The following SMIM36 variants were observed in gnomAD, a reference collection of about 807,000 sequenced individuals.
The protein encoded by SMIM36 is small integral membrane protein 36.
intron 3 of SMIM36, among the ~76,000 whole-genome samples, chr17:55,476,350 C>T (rs1003931885): frequency 1.3e-5 from 2 of 151,990 alleles, no homozygotes; most frequent in Non-Finnish European, 2.9e-5. Context: ...GGAAAAACCC[C>T]CTTTAACTGT....
chr17:55,466,885 T>A (rs1236341632), intron 4 of SMIM36, among the ~76,000 whole-genome samples: 1 of 152,326 alleles, frequency 6.6e-6, no homozygotes, highest in East Asian at 1.9e-4. Context: ...TCCGTGTAAG[T>A]GCTTTTGTTT....
At chr17:55,514,210 G>T (rs1343608603), upstream of SMIM36, among the ~76,000 whole-genome samples, 1 of 152,060 alleles carries the variant, frequency 6.6e-6, no homozygotes, top group Non-Finnish European at 1.5e-5. Flanking sequence ...AGTGGCCAAA[G>T]CAGGGGCTGC....
chr17:55,517,193 C>T, the SMIM36 span, among the ~76,000 whole-genome samples: 1 of 152,128 alleles, frequency 6.6e-6, no homozygotes, highest in Admixed American at 6.5e-5. Context: ...TGAAGGTATA[C>T]TAAGATGGTG....
exon 3 of SMIM36, chr17:55,478,813 C>G (rs973416464): frequency 6.6e-6 from 1 of 151,252 alleles, no homozygotes; most frequent in Admixed American, 6.6e-5. Context: ...TCCTCAGACA[C>G]CTTGAGAGTT....
chr17:55,525,008 C>T, the SMIM36 span, among the ~76,000 whole-genome samples: 5 of 152,304 alleles, frequency 3.3e-5, no homozygotes, highest in East Asian at 9.6e-4. Context: ...AACTGAGGCA[C>T]AGACAGGTTG....
intron 1 of SMIM36, among the ~76,000 whole-genome samples, chr17:55,483,047 G>T (rs1314162050): frequency 6.6e-6 from 1 of 152,162 alleles, no homozygotes; most frequent in Non-Finnish European, 1.5e-5. Context: ...CTGTCAAATG[G>T]CAGGCCAAAT....
the SMIM36 span, among the ~76,000 whole-genome samples, chr17:55,519,962 T>C: frequency 6.6e-6 from 1 of 152,198 alleles, no homozygotes; most frequent in African/African-American, 2.4e-5. Context: ...CTATTTATTC[T>C]TTCATGATTC....
At chr17:55,508,949 A>C (rs1210607317) in intron 1 of SMIM36, among the ~76,000 whole-genome samples, 5 of 145,442 alleles carry the variant, frequency 3.4e-5, no homozygotes, top group Non-Finnish European at 1.5e-5. Context: ...AAAAAAAAAA[A>C]AGTGAAGATG....
chr17:55,482,243 C>CT (rs1299679537), intron 1 of SMIM36, among the ~76,000 whole-genome samples: 4 of 152,180 alleles, frequency 2.6e-5, no homozygotes, highest in Admixed American at 2.0e-4. Context: ...TGTGTCCATA[C>CT]TTTTTTCCTA....
At chr17:55,469,279 C>T (rs967549865) in intron 3 of SMIM36, among the ~76,000 whole-genome samples, 8 of 152,190 alleles carry the variant, frequency 5.3e-5, no homozygotes, top group Admixed American at 3.3e-4. Flanking sequence ...CCAAAATTGC[C>T]TCTGACAGAG....
At chr17:55,481,667 T>C (rs1443242327) in intron 1 of SMIM36, among the ~76,000 whole-genome samples, 3 of 152,192 alleles carry the variant, frequency 2.0e-5, no homozygotes, top group East Asian at 1.9e-4. Context: ...CTGGGAATCA[T>C]AGAGTTTTAA....
chr17:55,479,063 C>T (rs1433973578), intron 2 of SMIM36, among the ~76,000 whole-genome samples: 1 of 152,144 alleles, frequency 6.6e-6, no homozygotes, highest in Non-Finnish European at 1.5e-5. Context: ...TAGCGTCACC[C>T]ACAAGTTTCT....
At chr17:55,516,179 C>A (rs918027009), upstream of SMIM36, among the ~76,000 whole-genome samples, 1 of 152,092 alleles carries the variant, frequency 6.6e-6, no homozygotes, top group Admixed American at 6.6e-5. Context: ...AATATAAAAA[C>A]CTACAAAACA....
chr17:55,451,761 T>A (rs917571081), intron 4 of SMIM36, among the ~76,000 whole-genome samples: 5 of 152,114 alleles, frequency 3.3e-5, no homozygotes, highest in Admixed American at 2.0e-4. Flanking sequence ...CTTTCTTTCC[T>A]CCTGAACAAT....
chr17:55,518,931 A>G, the SMIM36 span, among the ~76,000 whole-genome samples: 438 of 152,222 alleles, frequency 2.9e-3, no homozygotes, highest in African/African-American at 9.8e-3. Context: ...GAGAAGAAAA[A>G]TAAGTAGGTT....
chr17:55,475,049 A>C (rs116497456), intron 3 of SMIM36, among the ~76,000 whole-genome samples: 2,203 of 151,562 alleles, frequency 0.015, 63 homozygotes, highest in African/African-American at 0.051. Flanking sequence ...CTAGTTTTGG[A>C]CCCCCCACAG....
At chr17:55,473,731 A>G (rs1047762973) in intron 3 of SMIM36, among the ~76,000 whole-genome samples, 3 of 152,188 alleles carry the variant, frequency 2.0e-5, no homozygotes, top group East Asian at 3.8e-4. Flanking sequence ...TGCAGGGTAC[A>G]GTCCATTTGA....
intron 1 of SMIM36, among the ~76,000 whole-genome samples, chr17:55,500,728 A>AT (rs1909895226): frequency 1.0e-4 from 5 of 49,254 alleles, no homozygotes; most frequent in African/African-American, 7.7e-4. Flanking sequence ...AATTTTTAAA[A>AT]GAACATTCAT....
chr17:55,456,585 C>T (rs755120407), intron 4 of SMIM36, among the ~76,000 whole-genome samples: 32 of 152,218 alleles, frequency 2.1e-4, no homozygotes, highest in African/African-American at 5.3e-4. Context: ...CCTAATTTTC[C>T]GCAAATTAAT....
Sources: gnomAD v4.1 joint callset for allele counts (sites outside exome capture counted in the v4.1 genomes callset) on GRCh38, gnomAD v4.1.1 for gene constraint, MANE v1.5 for transcripts, NCBI Gene and HGNC (gene_info 2026-07-23, HGNC 2026-07-21) for gene names.